The following IFT57 variants were observed in gnomAD, a reference collection of about 807,000 sequenced individuals.
The protein encoded by IFT57 is intraflagellar transport 57, also known as intraflagellar transport protein 57 homolog.
Under a neutral mutation model 56.8 loss-of-function variants are expected in IFT57, and 59 were observed. The ratio of observed to expected loss-of-function variants is 1.04; its 90% confidence interval spans 0.84 to 1.29. IFT57 has a LOEUF of 1.29. Ranked by LOEUF, IFT57 falls within the 50% of genes most tolerant of loss-of-function variation. The pLI is 0.00. For synonymous variants in IFT57, 209 were observed against 186.1 expected, an observed-to-expected ratio of 1.12 and a Z score of -1.00; for missense variants, 470 against 522.1, an observed-to-expected ratio of 0.90 and a Z score of 0.97.
intron 5 of IFT57, among the ~76,000 whole-genome samples, chr3:108,205,838 T>C (rs1424905697): frequency 1.2e-5 from 1 of 80,538 alleles, no homozygotes; most frequent in Admixed American, 1.2e-4. Flanking sequence ...ATATATTATT[T>C]AATTAATTTA....
In IFT57 at chr3:108,217,383, G is replaced by GT. The variant is rs1242895230; in HGVS notation, c.494+1151dup. The stretch of plus-strand genomic sequence containing the variant: ...AATATATTAGTCTATTAATTTAGCA[G>GT]TTTTTTAAAATGCTAAATACAGCAG... On this transcript the variant is annotated intron_variant, in intron 3 of 10. Transcript: ENST00000264538. Among the ~76,000 whole-genome samples the GT allele has an allele frequency of 2.6e-5, 4 of 152,088 alleles. No homozygotes were observed. In the East Asian group the frequency reaches 5.8e-4, roughly 22 times the overall value.
chr3:108,219,502 TC>T lies in IFT57; in HGVS notation c.282del (p.Ile95LeufsTer42), dbSNP rs2080392976. 58 of 1,613,814 alleles carry T rather than the reference TC, an allele frequency of 3.6e-5. No homozygotes were observed. Among genetic ancestry groups the T allele is most frequent in the Non-Finnish European group, 4.8e-5 (57 of 1,179,834 alleles). Reference sequence around the variant, plus strand: ...TCAAAGGGACGTCCCGCTTTATTAATCAACCAAGCAGCAAGAGTACAAAACA... The same window carrying T: ...TCAAAGGGACGTCCCGCTTTATTAATAACCAAGCAGCAAGAGTACAAAACA... ...FYMFCTLAAW[L>X]INKAGRPFEQ... On this transcript the variant is annotated frameshift_variant, in exon 2 of 11. Coordinates refer to ENST00000264538, the MANE Select transcript of IFT57 (RefSeq NM_018010.4). LOFTEE classifies it high-confidence loss of function.
At chr3:108,186,363 A>G (rs1576037963) in intron 6 of IFT57, among the ~76,000 whole-genome samples, 2 of 152,188 alleles carry the variant, frequency 1.3e-5, no homozygotes, top group South Asian at 2.1e-4. Flanking sequence ...AGGTTTCAAA[A>G]TATGGATTTT....
intron 4 of IFT57, among the ~76,000 whole-genome samples, chr3:108,207,052 T>C (rs1024266875): frequency 1.4e-4 from 21 of 152,150 alleles, no homozygotes; most frequent in African/African-American, 5.1e-4. Flanking sequence ...TTGGTATAAA[T>C]AGAGGGAATT....
chr3:108,172,782 C>T (rs1560103652), intron 6 of IFT57, among the ~76,000 whole-genome samples: 1 of 151,734 alleles, frequency 6.6e-6, no homozygotes, highest in East Asian at 1.9e-4. Context: ...GATATTAATA[C>T]TACAGTGTGA....
intron 3 of IFT57, among the ~76,000 whole-genome samples, chr3:108,217,094 T>G (rs550502983): frequency 6.6e-6 from 1 of 152,238 alleles, no homozygotes; most frequent in South Asian, 2.1e-4. Flanking sequence ...TCATAGAGAT[T>G]TGGAATTTTC....
At chr3:108,174,799 C>T (rs2080115057) in intron 6 of IFT57, among the ~76,000 whole-genome samples, 1 of 151,842 alleles carries the variant, frequency 6.6e-6, no homozygotes, top group Non-Finnish European at 1.5e-5. Flanking sequence ...ACTATCCTTT[C>T]AGCCTGGGTC....
rs1047807495 is a variant in IFT57 at position 108,189,712 on chromosome 3, T to C, written c.777+1809A>G. 3.3e-5 allele frequency among the ~76,000 whole-genome samples: 5 copies of C among 152,158 alleles called. No homozygotes were observed. The East Asian group carries it at 5.8e-4, about 18-fold the overall frequency. ...GTCATTACAGTTGACCCTCGAACAA[T>C]GCAGAGGTTGGTCGTTAGGGGCACT... On this transcript the variant is annotated intron_variant, in intron 6 of 10. Transcript: ENST00000264538.
intron 5 of IFT57, among the ~76,000 whole-genome samples, chr3:108,205,956 TA>T (rs556214152): frequency 0.14 from 12,172 of 84,836 alleles, 675 homozygotes; most frequent in Non-Finnish European, 0.17. Flanking sequence ...TTATAATATA[TA>T]AATATATTAT....
intron 4 of IFT57, among the ~76,000 whole-genome samples, chr3:108,211,751 T>A (rs1433744645): frequency 2.0e-5 from 3 of 152,232 alleles, no homozygotes; most frequent in Non-Finnish European, 4.4e-5. Flanking sequence ...AAATAATGTT[T>A]ATTTACATTG....
At chr3:108,198,075 A>G (rs1381453625) in intron 5 of IFT57, among the ~76,000 whole-genome samples, 1 of 152,172 alleles carries the variant, frequency 6.6e-6, no homozygotes, top group Non-Finnish European at 1.5e-5. Flanking sequence ...AACACCATGA[A>G]ACAGGGAGTC....
intron 4 of IFT57, among the ~76,000 whole-genome samples, chr3:108,209,557 G>T (rs2080332565): frequency 6.6e-6 from 1 of 152,160 alleles, no homozygotes; most frequent in Non-Finnish European, 1.5e-5. Flanking sequence ...ATTATTCAGA[G>T]TGTGTCTATG....
At chr3:108,203,389 T>G (rs1372789722) in intron 5 of IFT57, among the ~76,000 whole-genome samples, 1 of 152,206 alleles carries the variant, frequency 6.6e-6, no homozygotes, top group Admixed American at 6.5e-5. Flanking sequence ...TCTCACTTCA[T>G]TTTACTGCAA....
intron 6 of IFT57, among the ~76,000 whole-genome samples, chr3:108,168,767 A>G (rs2080076069): frequency 6.6e-6 from 1 of 151,976 alleles, no homozygotes; most frequent in African/African-American, 2.4e-5. Context: ...TTCCTGTGTT[A>G]GTCTGCTGAG....
Position 108,162,446 on chromosome 3 carries a change from A to T in IFT57, c.*31T>A, listed in dbSNP as rs773792727. 2.6e-6 allele frequency: 4 copies of T among 1,544,200 alleles called. No homozygotes were observed. The South Asian group carries it at 4.9e-5, about 19-fold the overall frequency. On this transcript the variant is annotated 3_prime_UTR_variant, in exon 11 of 11. Coordinates refer to ENST00000264538, the MANE Select transcript of IFT57 (RefSeq NM_018010.4). ...AAATATAGTTTGATATAAAAAACCCAACTAATCAGAAACATGAAAACCAGT... is the reference window on the plus strand; with the variant it reads ...AAATATAGTTTGATATAAAAAACCCTACTAATCAGAAACATGAAAACCAGT...
chr3:108,183,193 GA>G (rs1233483082), intron 6 of IFT57, among the ~76,000 whole-genome samples: 5 of 151,582 alleles, frequency 3.3e-5, no homozygotes, highest in Admixed American at 2.6e-4. Flanking sequence ...AACTTGCCTT[GA>G]AAAAAAATCA....
intron 5 of IFT57, among the ~76,000 whole-genome samples, chr3:108,192,419 AT>A (rs2080221442): frequency 6.6e-6 from 1 of 152,118 alleles, no homozygotes; most frequent in Non-Finnish European, 1.5e-5. Context: ...TGCTTTCTGC[AT>A]TGGAATAATA....
intron 4 of IFT57, among the ~76,000 whole-genome samples, chr3:108,208,825 T>A (rs1171474716): frequency 6.6e-6 from 1 of 152,164 alleles, no homozygotes; most frequent in Non-Finnish European, 1.5e-5. Flanking sequence ...GCATGATTGA[T>A]CCTATTAACA....
chr3:108,215,398 C>CA (rs1041385781), intron 3 of IFT57, among the ~76,000 whole-genome samples: 10 of 150,836 alleles, frequency 6.6e-5, no homozygotes, highest in South Asian at 4.2e-4. Context: ...CCTGTCTTGA[C>CA]AAAAAAAATA....
Sources: gnomAD v4.1 joint callset for allele counts (sites outside exome capture counted in the v4.1 genomes callset) on GRCh38, gnomAD v4.1.1 for gene constraint, MANE v1.5 for transcripts, NCBI Gene and HGNC (gene_info 2026-07-23, HGNC 2026-07-21) for gene names.